ASH1L: variants seen among roughly 807,000 people sequenced by gnomAD.
ASH1L encodes the protein histone-lysine N-methyltransferase ASH1L.
A neutral mutation model predicts 269.0 loss-of-function variants in ASH1L; 23 were observed. That is an observed-to-expected ratio of 0.09 (90% CI 0.06 to 0.12). The LOEUF (loss-of-function observed/expected upper bound fraction) is 0.12, where lower values mean the gene tolerates loss of function less well. Among genes scored for constraint, ASH1L ranks in the 10% least tolerant of loss-of-function variants. The pLI is 1.00. For missense variants in ASH1L, 2,912 were observed against 3,567.8 expected, an observed-to-expected ratio of 0.82 and a Z score of 4.68; for synonymous variants, 1,187 against 1,253.5, an observed-to-expected ratio of 0.95 and a Z score of 1.12.
At chr1:155,416,256 G>A (rs1030477739) in intron 5 of ASH1L, among the ~76,000 whole-genome samples, 5 of 151,820 alleles carry the variant, frequency 3.3e-5, no homozygotes, top group Admixed American at 1.3e-4. Context: ...TCAGCCTCCC[G>A]AGTAGCTGAT....
At chr1:155,447,934 C>G (rs899973702) in intron 4 of ASH1L, among the ~76,000 whole-genome samples, 4 of 152,118 alleles carry the variant, frequency 2.6e-5, no homozygotes, top group Non-Finnish European at 5.9e-5. Flanking sequence ...AATTTTTGTT[C>G]AGATCAATAT....
At chr1:155,440,759 A>G (rs1425374232) in intron 4 of ASH1L, among the ~76,000 whole-genome samples, 3 of 152,044 alleles carry the variant, frequency 2.0e-5, no homozygotes, top group Admixed American at 6.6e-5. Flanking sequence ...CTGAATTTCT[A>G]TTTTCTGAAT....
In ASH1L at chr1:155,562,733, CCT is replaced by C; in HGVS notation, c.-682_-681del. 2 of 1,339,108 alleles carry C rather than the reference CCT, an allele frequency of 1.5e-6. No individual in the cohort carries two copies. Among genetic ancestry groups the C allele is most frequent in the Non-Finnish European group, 2.1e-6 (2 of 973,490 alleles). 83.0% of individuals were successfully genotyped at this position (1,339,108 alleles called of 1,614,324 possible). On this transcript the variant is annotated 5_prime_UTR_variant, in exon 1 of 28. Coordinates refer to ENST00000392403, the MANE Select transcript of ASH1L (RefSeq NM_018489.3). ...CCCCCTCGTCCAGTCCCTCACTACC[CCT>C]CAGGCCCTGTCAAGCCGGCGCCGGC...
chr1:155,529,985 A>T (rs938727581), intron 1 of ASH1L, among the ~76,000 whole-genome samples: 11 of 152,026 alleles, frequency 7.2e-5, no homozygotes, highest in East Asian at 5.8e-4. Flanking sequence ...AAAAAAATAA[A>T]AAAAAAAGAA....
rs1403140351 is a variant in ASH1L at position 155,343,772 on chromosome 1, T to A, written c.7982-30A>T. The A allele has an allele frequency of 1.9e-6, 3 of 1,608,598 alleles. No individual in the cohort carries two copies. In the African/African-American group the frequency reaches 4.0e-5, roughly 22 times the overall value. ...GAAGACCCAGAACACAGAAGAAACA[T>A]AAAACAATTCTTGTATGAATTCTGT... On this transcript the variant is annotated intron_variant, in intron 22 of 27. Coordinates refer to ENST00000392403, the MANE Select transcript of ASH1L (RefSeq NM_018489.3). This position sits in a 1 kb window ranked among gnomAD's most constrained non-coding sequence, Gnocchi z 6.1.
intron 13 of ASH1L, among the ~76,000 whole-genome samples, chr1:155,360,084 T>A (rs934483973): frequency 1.3e-5 from 2 of 151,720 alleles, no homozygotes; most frequent in Non-Finnish European, 1.5e-5. Context: ...TAGACAGGGT[T>A]TTGTCATGTT....
At position 155,439,018 on chromosome 1, in the gene ASH1L, A is replaced by G; in HGVS notation, c.5137T>C (p.Ser1713Pro). 6.2e-7 allele frequency: 1 copy of G among 1,613,904 alleles called. No individual in the cohort carries two copies. The highest frequency in any genetic ancestry group is 1.1e-5 in the South Asian group (1 of 91,032). ...SPRLVASGDD[S>P]VDSLLQRMVQ... ...ATCCGCTGCAGCAGACTATCCACAG[A>G]GTCATCCCCAGAAGCAACTAATCTT... The change falls in exon 5 of 28, where the codon TCT (serine) becomes CCT (proline). Residue 1713 changes from serine to proline, a missense_variant. By Grantham distance (74) the Ser-to-Pro change is moderately conservative (BLOSUM62 -1). Coordinates refer to ENST00000392403, the MANE Select transcript of ASH1L (RefSeq NM_018489.3).
intron 6 of ASH1L, among the ~76,000 whole-genome samples, chr1:155,404,539 T>G (rs976686434): frequency 1.3e-5 from 2 of 151,988 alleles, no homozygotes; most frequent in African/African-American, 4.8e-5. Flanking sequence ...TAGCTAGATG[T>G]GGTGACGATG....
At chr1:155,557,027 C>A (rs1044852800) in intron 1 of ASH1L, among the ~76,000 whole-genome samples, 1 of 152,018 alleles carries the variant, frequency 6.6e-6, no homozygotes, top group African/African-American at 2.4e-5. Context: ...CATAGTAAGA[C>A]CCTGTCTCAA....
At chr1:155,461,798 G>C (rs561339904) in intron 3 of ASH1L, among the ~76,000 whole-genome samples, 15 of 146,054 alleles carry the variant, frequency 1.0e-4, no homozygotes, top group Non-Finnish European at 2.1e-4. Context: ...AGAGGGGTTT[G>C]AGGGTTTTTT....
intron 1 of ASH1L, among the ~76,000 whole-genome samples, chr1:155,549,909 C>T (rs1439163547): frequency 6.6e-6 from 1 of 152,122 alleles, no homozygotes; most frequent in Middle Eastern, 3.2e-3. Flanking sequence ...TTACCCTGAT[C>T]CCACATCCAA....
intron 1 of ASH1L, among the ~76,000 whole-genome samples, chr1:155,556,029 A>G (rs1671562618): frequency 6.6e-6 from 1 of 152,218 alleles, no homozygotes; most frequent in Non-Finnish European, 1.5e-5. Flanking sequence ...GATGTTGAGT[A>G]CATGAAGGCT....
chr1:155,342,233 C>A lies in ASH1L; in HGVS notation c.8294-131G>T. 3.9e-6 allele frequency: 3 copies of A among 777,998 alleles called. No individual in the cohort carries two copies. In the South Asian group the frequency reaches 5.4e-5, roughly 14 times the overall value. The allele number at this position is 777,998 out of a possible 1,614,324, so 48.2% of individuals were successfully genotyped here. A position where few individuals can be genotyped will look rare whatever the true frequency, so the allele number is the denominator to read the frequency against. Reference sequence around the variant, plus strand: ...CCTACATGGTAGCTATGTAGAGAGGCAGGACAACTAAGCATTTGGTAGTTG... The same window carrying A: ...CCTACATGGTAGCTATGTAGAGAGGAAGGACAACTAAGCATTTGGTAGTTG... On this transcript the variant is annotated intron_variant, in intron 24 of 27. Coordinates refer to ENST00000392403, the MANE Select transcript of ASH1L (RefSeq NM_018489.3).
chr1:155,401,018 G>A (rs1161561413), intron 6 of ASH1L, among the ~76,000 whole-genome samples: 1 of 151,956 alleles, frequency 6.6e-6, no homozygotes, highest in East Asian at 1.9e-4. Context: ...AAAATTAGTA[G>A]GGCGTAGTGG....
At chr1:155,376,392 G>A (rs1283365146) in intron 10 of ASH1L, among the ~76,000 whole-genome samples, 1 of 152,234 alleles carries the variant, frequency 6.6e-6, no homozygotes, top group Admixed American at 6.5e-5. Context: ...AGGAAATACT[G>A]ATGTAAAATT....
chr1:155,464,509 G>A (rs764230677), intron 3 of ASH1L, among the ~76,000 whole-genome samples: 2 of 151,234 alleles, frequency 1.3e-5, no homozygotes, highest in African/African-American at 2.4e-5. Context: ...GAAATTATAG[G>A]CAAGCTGCAA....
At chr1:155,426,719 G>C (rs116252474) in intron 5 of ASH1L, among the ~76,000 whole-genome samples, 4 of 151,874 alleles carry the variant, frequency 2.6e-5, no homozygotes, top group African/African-American at 7.2e-5. Context: ...TAATTTTTTT[G>C]ACTATTTCTA....
intron 4 of ASH1L, among the ~76,000 whole-genome samples, chr1:155,446,233 G>T (rs765697327): frequency 1.3e-5 from 2 of 150,024 alleles, no homozygotes; most frequent in Non-Finnish European, 3.0e-5. Context: ...TAAATTTATC[G>T]TTAAGACTTT....
At chr1:155,467,747 T>A (rs1664793378) in intron 3 of ASH1L, among the ~76,000 whole-genome samples, 1 of 152,246 alleles carries the variant, frequency 6.6e-6, no homozygotes, top group Non-Finnish European at 1.5e-5. Flanking sequence ...CCAACACTTA[T>A]GAGGAATCCA....
Sources: gnomAD v4.1 joint callset for allele counts (sites outside exome capture counted in the v4.1 genomes callset) on GRCh38, gnomAD v4.1.1 for gene constraint, Gnocchi (gnomAD v3.1) non-coding constraint, MANE v1.5 for transcripts, NCBI Gene and HGNC (gene_info 2026-07-23, HGNC 2026-07-21) for gene names.